IL1RAP: variants seen among roughly 807,000 people sequenced by gnomAD.
The protein encoded by IL1RAP is interleukin 1 receptor accessory protein.
A neutral mutation model predicts 60.7 loss-of-function variants in IL1RAP; 35 were observed. The observed-to-expected ratio is 0.58, with a 90% CI of 0.44 to 0.76. The LOEUF is 0.76. IL1RAP is among the 30% of genes least tolerant of loss of function. The pLI, the probability that IL1RAP is intolerant of heterozygous loss-of-function variation, is 0.00. For synonymous variants in IL1RAP, 268 were observed against 250.9 expected (o/e 1.07, Z -0.64); for missense variants, 572 against 693.9 (o/e 0.82, Z 1.97).
intron 5 of IL1RAP, among the ~76,000 whole-genome samples, chr3:190,614,108 C>CT (rs934950488): frequency 6.6e-6 from 1 of 151,680 alleles, no homozygotes; most frequent in African/African-American, 2.4e-5. Context: ...TTCAGCAATT[C>CT]TTTTTTAGTT....
chr3:190,563,999 A>G (rs1726144344), intron 2 of IL1RAP: 1 of 329,636 alleles, frequency 3.0e-6, no homozygotes, highest in East Asian at 5.4e-5. Context: ...GATCGTGGTG[A>G]TGTTATTGAA....
At chr3:190,517,283 C>G (rs1373547315) in intron 1 of IL1RAP, among the ~76,000 whole-genome samples, 1 of 152,214 alleles carries the variant, frequency 6.6e-6, no homozygotes, top group East Asian at 1.9e-4. Context: ...TCTTTTCTTC[C>G]TGTTGTGAGT....
Position 190,649,539 on chromosome 3 carries a change from CAGAA to C in IL1RAP, c.*838_*841del. The C allele has an allele frequency of 1.0e-6, 1 of 985,714 alleles. No individual in the cohort carries two copies. The highest frequency in any genetic ancestry group is 1.2e-6 in the Non-Finnish European group (1 of 829,886). 61.1% of individuals were successfully genotyped at this position (985,714 alleles called of 1,614,324 possible). On this transcript the variant is annotated 3_prime_UTR_variant, in exon 12 of 12. Transcript: ENST00000447382. The stretch of plus-strand genomic sequence containing the variant: ...AATGGTGCTATAGAGAGGGAGGTAA[CAGAA>C]AGACTCTTTTAGGGCATTTTTCTGA...
At chr3:190,590,489 T>C (rs1004620142) in intron 3 of IL1RAP, among the ~76,000 whole-genome samples, 6 of 152,128 alleles carry the variant, frequency 3.9e-5, no homozygotes, top group African/African-American at 1.4e-4. Flanking sequence ...TCCTGAGCTC[T>C]GGCAATCTGC....
rs747504991 is a variant in IL1RAP at position 190,648,467 on chromosome 3, C to G, written c.1475C>G (p.Ser492Cys). 1 of 1,614,096 alleles carries G rather than the reference C, an allele frequency of 6.2e-7. No homozygotes were observed. Among genetic ancestry groups the G allele is most frequent in the African/African-American group, 1.3e-5 (1 of 75,024 alleles). Residue 492 changes from serine to cysteine, a missense_variant, in exon 12 of 12, where the codon TCT (serine) becomes TGT (cysteine). Transcript: ENST00000447382. Reference protein sequence around the residue: ...ELKAGLENMASRGNINVILVQ... With the variant: ...ELKAGLENMACRGNINVILVQ... Reference sequence around the variant, plus strand: ...AAGGCTGGCCTAGAAAATATGGCCTCTCGGGGCAACATCAACGTCATTTTA... The same window carrying G: ...AAGGCTGGCCTAGAAAATATGGCCTGTCGGGGCAACATCAACGTCATTTTA...
chr3:190,616,894 A>C (rs1361531800), intron 5 of IL1RAP, among the ~76,000 whole-genome samples: 1 of 152,156 alleles, frequency 6.6e-6, no homozygotes, highest in African/African-American at 2.4e-5. Flanking sequence ...GAACTTAAAA[A>C]CCCCACTGTC....
chr3:190,653,079 T>G (rs151165883), downstream of IL1RAP, among the ~76,000 whole-genome samples: 1 of 152,276 alleles, frequency 6.6e-6, no homozygotes, highest in African/African-American at 2.4e-5. Flanking sequence ...GGAGATGGAG[T>G]GTTTTAGTAG....
At chr3:190,555,338 A>G (rs139883058) in intron 1 of IL1RAP, among the ~76,000 whole-genome samples, 3 of 124,460 alleles carry the variant, frequency 2.4e-5, no homozygotes, top group Non-Finnish European at 5.2e-5. Flanking sequence ...CCCTACTCTC[A>G]GGTGCTTTGA....
intron 3 of IL1RAP, among the ~76,000 whole-genome samples, chr3:190,587,542 G>A (rs2108698554): frequency 6.6e-6 from 1 of 152,206 alleles, no homozygotes; most frequent in Middle Eastern, 3.4e-3. Flanking sequence ...TTCTCCATAG[G>A]GTATACTACA....
At chr3:190,581,758 CTT>C (rs1353656985) in intron 3 of IL1RAP, among the ~76,000 whole-genome samples, 1 of 152,070 alleles carries the variant, frequency 6.6e-6, no homozygotes, top group African/African-American at 2.4e-5. Flanking sequence ...GGAAAAGAAA[CTT>C]TATTCATTCA....
intron 3 of IL1RAP, among the ~76,000 whole-genome samples, chr3:190,596,928 AT>A (rs1391481977): frequency 5.3e-5 from 8 of 152,318 alleles, no homozygotes; most frequent in African/African-American, 1.9e-4. Context: ...CTCTGACAAA[AT>A]GCGCTCAGGT....
intron 3 of IL1RAP, among the ~76,000 whole-genome samples, chr3:190,573,490 C>T (rs189663311): frequency 7.9e-5 from 12 of 152,076 alleles, no homozygotes; most frequent in African/African-American, 2.9e-4. Flanking sequence ...AATTAGTAAT[C>T]GGAAGTGTTG....
At chr3:190,585,978 A>AC (rs1560190943) in intron 3 of IL1RAP, among the ~76,000 whole-genome samples, 1 of 151,772 alleles carries the variant, frequency 6.6e-6, no homozygotes, top group South Asian at 2.1e-4. Context: ...CTGTGATCTA[A>AC]CCCCGGCTGA....
intron 9 of IL1RAP, chr3:190,644,028 TA>T (rs1215334678): frequency 3.4e-6 from 2 of 582,622 alleles, no homozygotes; most frequent in Non-Finnish European, 4.3e-6. Flanking sequence ...ACTATTCAAA[TA>T]AAAAACACCT....
At chr3:190,607,366 T>G (rs1415155742) in intron 4 of IL1RAP, among the ~76,000 whole-genome samples, 1 of 152,218 alleles carries the variant, frequency 6.6e-6, no homozygotes, top group Admixed American at 6.5e-5. Flanking sequence ...ATCCATTCCA[T>G]TTATTTAATA....
At chr3:190,619,890 A>G (rs550293196) in intron 5 of IL1RAP, among the ~76,000 whole-genome samples, 11 of 152,278 alleles carry the variant, frequency 7.2e-5, no homozygotes, top group African/African-American at 2.6e-4. Context: ...CAGTGAAGAA[A>G]TATTATAAAA....
At chr3:190,578,928 G>A (rs1184950292) in intron 3 of IL1RAP, among the ~76,000 whole-genome samples, 1 of 152,146 alleles carries the variant, frequency 6.6e-6, no homozygotes, top group African/African-American at 2.4e-5. Context: ...CCTCACACTA[G>A]GTCCCTCCCA....
At chr3:190,642,069 T>A (rs565896274) in intron 9 of IL1RAP, 1 of 152,256 alleles carries the variant, frequency 6.6e-6, no homozygotes, top group Non-Finnish European at 1.5e-5. Flanking sequence ...CAAAACTCTA[T>A]GATTCACCCT....
intron 3 of IL1RAP, 95 bp downstream of exon 3, chr3:190,564,448 G>C: frequency 1.2e-6 from 1 of 812,152 alleles, no homozygotes; most frequent in Non-Finnish European, 2.2e-6. Flanking sequence ...TAAACATAAT[G>C]TTATTCATGT....
Sources: allele counts gnomAD v4.1 joint callset (sites outside exome capture counted in the v4.1 genomes callset), GRCh38; gene constraint gnomAD v4.1.1; transcripts MANE v1.5; gene names NCBI Gene and HGNC (gene_info 2026-07-23, HGNC 2026-07-21).